The following FOXK1 variants were observed in gnomAD, a reference collection of about 807,000 sequenced individuals.
FOXK1 encodes forkhead box K1, also known as forkhead box protein K1.
A neutral mutation model predicts 51.9 loss-of-function variants in FOXK1; 19 were observed. The observed-to-expected ratio is 0.37, with a 90% confidence interval of 0.26 to 0.54. FOXK1 has a LOEUF of 0.54. Ranked by LOEUF, FOXK1 falls within the 20% of genes least tolerant of loss-of-function variation. The pLI, the probability that FOXK1 is intolerant of heterozygous loss-of-function variation, is 0.87. For missense variants in FOXK1, 870 were observed against 1,032.7 expected (o/e 0.84, Z 2.16); for synonymous variants, 537 against 482.6 (o/e 1.11, Z -1.48).
In FOXK1 at chr7:4,682,951, C is replaced by T. The variant is rs1014590955; in HGVS notation, c.560+83C>T. The T allele has an allele frequency of 2.3e-6, 3 of 1,311,126 alleles. No individual in the cohort carries two copies. Among genetic ancestry groups the T allele is most frequent in the African/African-American group, 1.5e-5 (1 of 64,688 alleles). The allele number at this position is 1,311,126 out of a possible 1,614,324, so 81.2% of individuals were successfully genotyped here. On this transcript the variant is annotated intron_variant, in intron 1 of 8. Transcript: ENST00000328914. The surrounding 1 kb of genome is among the most constrained non-coding windows in gnomAD (Gnocchi z 7.6). Reference sequence around the variant, plus strand: ...TCTGAGGCCCGGGCCTGGGGATCCCCCTCCAGCTTCCTCGGCCTCGACCCC... The same window carrying T: ...TCTGAGGCCCGGGCCTGGGGATCCCTCTCCAGCTTCCTCGGCCTCGACCCC...
chr7:4,739,014 C>A (rs566384895), intron 1 of FOXK1, among the ~76,000 whole-genome samples: 3 of 152,198 alleles, frequency 2.0e-5, no homozygotes, highest in Non-Finnish European at 2.9e-5. Context: ...CTGACCTGCT[C>A]CTCAGTCCCG....
Position 4,729,521 on chromosome 7 carries a change from A to C in FOXK1, c.561-11317A>C, listed in dbSNP as rs1780423361. Among the ~76,000 whole-genome samples, 1 of 152,142 alleles carries C rather than the reference A, an allele frequency of 6.6e-6. No homozygotes were observed. The highest frequency in any genetic ancestry group is 1.5e-5 in the Non-Finnish European group (1 of 68,016). The stretch of plus-strand genomic sequence containing the variant: ...TCGCCTGTGCTGCCATGGGGTGCTC[A>C]GGACTGCCGGGCCCCGGGAGCCCCA... On this transcript the variant is annotated intron_variant, in intron 1 of 8. Coordinates refer to ENST00000328914, the MANE Select transcript of FOXK1 (RefSeq NM_001037165.2). The surrounding 1 kb of genome is among the most constrained non-coding windows in gnomAD (Gnocchi z 6.2).
At chr7:4,739,553 A>T (rs1237057313) in intron 1 of FOXK1, among the ~76,000 whole-genome samples, 1 of 152,204 alleles carries the variant, frequency 6.6e-6, no homozygotes, top group Non-Finnish European at 1.5e-5. Flanking sequence ...AAGCCAGATG[A>T]ACCCTGGATA....
At chr7:4,710,621 AT>A (rs1232084372) in intron 1 of FOXK1, among the ~76,000 whole-genome samples, 1 of 152,146 alleles carries the variant, frequency 6.6e-6, no homozygotes, top group African/African-American at 2.4e-5. Flanking sequence ...ATAGCTGTGT[AT>A]TTTGGAGAAA....
intron 1 of FOXK1, among the ~76,000 whole-genome samples, chr7:4,721,176 C>T (rs932191900): frequency 7.2e-5 from 11 of 152,154 alleles, no homozygotes; most frequent in African/African-American, 1.7e-4. Flanking sequence ...GGAGGTTCTC[C>T]GTTCAGTCTG....
rs1369592251 is a variant in FOXK1, at chr7:4,683,206, A to T, written c.560+338A>T. Among the ~76,000 whole-genome samples, 3 of 148,442 alleles carry T rather than the reference A, an allele frequency of 2.0e-5. No individual in the cohort carries two copies. The highest frequency in any genetic ancestry group is 4.5e-5 in the Non-Finnish European group (3 of 66,928). ...CTTGCGGCTCCTGGGGTCACCCCTG[A>T]CCTCATCTCCCACCGGCCTGGGCTC... On this transcript the variant is annotated intron_variant, in intron 1 of 8. Coordinates refer to ENST00000328914, the MANE Select transcript of FOXK1 (RefSeq NM_001037165.2). The surrounding 1 kb of genome is among the most constrained non-coding windows in gnomAD (Gnocchi z 4.5).
intron 1 of FOXK1, among the ~76,000 whole-genome samples, chr7:4,697,639 C>T (rs974281616): frequency 2.0e-5 from 3 of 152,010 alleles, no homozygotes; most frequent in Non-Finnish European, 4.4e-5. Flanking sequence ...AATTTCTCTC[C>T]ACATTTCTTG....
At chr7:4,740,302 C>A (rs1208204692) in intron 1 of FOXK1, among the ~76,000 whole-genome samples, 5 of 152,028 alleles carry the variant, frequency 3.3e-5, no homozygotes. Context: ...TGGTGGCGGG[C>A]GCCTGTAGTC....
At position 4,706,013 on chromosome 7, in the gene FOXK1, CGT is replaced by C. The variant is rs374082200; in HGVS notation, c.560+23146_560+23147del. ...ATATACGTATATATACGTATATATA[CGT>C]ATATATACGTGTATATACGTGTATA... On this transcript the variant is annotated intron_variant, in intron 1 of 8. Coordinates refer to ENST00000328914, the MANE Select transcript of FOXK1 (RefSeq NM_001037165.2). Among the ~76,000 whole-genome samples, 337 of 91,442 alleles carry C rather than the reference CGT, an allele frequency of 3.7e-3. 30 individuals are homozygous for C. The highest frequency in any genetic ancestry group is 0.034 in the African/African-American group (321 of 9,576). The allele number at this position is 91,442 out of a possible 152,430, so 60.0% of individuals were successfully genotyped here.
Position 4,733,898 on chromosome 7 carries a change from T to C in FOXK1, c.561-6940T>C, listed in dbSNP as rs1217460561. ...GGCCGTCATAGCCAGCGCCATGGGA[T>C]TGGGGAAGCCACAGGGACCTCCCAG... On this transcript the variant is annotated intron_variant, in intron 1 of 8. Coordinates refer to ENST00000328914, the MANE Select transcript of FOXK1 (RefSeq NM_001037165.2). The surrounding 1 kb of genome is among the most constrained non-coding windows in gnomAD (Gnocchi z 5.0). Among the ~76,000 whole-genome samples the C allele has an allele frequency of 6.6e-6, 1 of 152,152 alleles. No individual in the cohort carries two copies.
Position 4,759,451 on chromosome 7 carries a change from C to A in FOXK1, c.1552C>A (p.Gln518Lys). 1 of 1,592,582 alleles carries A rather than the reference C, an allele frequency of 6.3e-7. No homozygotes were observed. The highest frequency in any genetic ancestry group is 8.5e-7 in the Non-Finnish European group (1 of 1,174,224). The change falls in exon 7 of 9, where the codon CAG (glutamine) becomes AAG (lysine). Residue 518 changes from glutamine to lysine, a missense_variant. Gln to Lys is a moderately conservative substitution (Grantham distance 53). Coordinates refer to ENST00000328914, the MANE Select transcript of FOXK1 (RefSeq NM_001037165.2). ...PAGHAIHVVQ[Q>K]APTVTMVRVV... ...GGGCCACGCCATCCACGTCGTGCAG[C>A]AGGCCCCCACCGTCACCATGGTCAG...
chr7:4,705,996 A>ATG (rs1780091634), intron 1 of FOXK1, among the ~76,000 whole-genome samples: 2 of 96,398 alleles, frequency 2.1e-5, no homozygotes, highest in African/African-American at 9.5e-5. Context: ...ATATATACGT[A>ATG]TATATACGTA....
At chr7:4,720,806 C>A (rs1029341654) in intron 1 of FOXK1, among the ~76,000 whole-genome samples, 4 of 151,648 alleles carry the variant, frequency 2.6e-5, no homozygotes, top group African/African-American at 9.7e-5. Context: ...GCAACCTCTA[C>A]CTCCTGGGTT....
rs111622709 is a variant in FOXK1 at position 4,745,472 on chromosome 7, TTG to T, written c.746+4465_746+4466del. Among the ~76,000 whole-genome samples the T allele has an allele frequency of 4.0e-5, 6 of 150,446 alleles. No homozygotes were observed. Among genetic ancestry groups the T allele is most frequent in the Admixed American group, 6.6e-5 (1 of 15,114 alleles). ...TGGGTATGGGTGTGGGTGTGTGGTT[TTG>T]TGTGTGTGTGTGTGTTTCTGATTTA... On this transcript the variant is annotated intron_variant, in intron 2 of 8. Coordinates refer to ENST00000328914, the MANE Select transcript of FOXK1 (RefSeq NM_001037165.2). The surrounding 1 kb of genome is among the most constrained non-coding windows in gnomAD (Gnocchi z 4.3).
rs1325917341 is a variant in FOXK1, at chr7:4,768,844, C to T, written c.*6380C>T. The T allele has an allele frequency of 1.3e-5, 2 of 152,262 alleles. No individual in the cohort carries two copies. Among genetic ancestry groups the T allele is most frequent in the East Asian group, 1.9e-4 (1 of 5,192 alleles). 9.4% of individuals were successfully genotyped at this position (152,262 alleles called of 1,614,324 possible). ...CTGTGCCAGCTGCTGGGAGGTCAGA[C>T]TCCTGCCCTGAGAAACAGCCCAGTC... On this transcript the variant is annotated 3_prime_UTR_variant, in exon 9 of 9. Transcript: ENST00000328914.
In FOXK1 at chr7:4,762,234, C is replaced by G; in HGVS notation, c.1972C>G (p.Pro658Ala). Residue 658 changes from proline (P) to alanine (A), a missense_variant, in exon 9 of 9, where the codon CCG becomes GCG. Coordinates refer to ENST00000328914, the MANE Select transcript of FOXK1 (RefSeq NM_001037165.2). This position sits in a 1 kb window ranked among gnomAD's most constrained non-coding sequence, Gnocchi z 5.7. ...TGCGACCCAAGCGAGTTCATCCGCGCCGGTGGTGGTCACCCGGGTGTGCGA... is the reference window on the plus strand; with the variant it reads ...TGCGACCCAAGCGAGTTCATCCGCGGCGGTGGTGGTCACCCGGGTGTGCGA... ...LLATQASSSA[P>A]VVVTRVCEVG... is the part of the protein sequence containing the mutation. 6.4e-7 allele frequency: 1 copy of G among 1,554,368 alleles called. No individual in the cohort carries two copies.
chr7:4,726,906 A>AC (rs1345462742), intron 1 of FOXK1, among the ~76,000 whole-genome samples: 3 of 152,238 alleles, frequency 2.0e-5, no homozygotes, highest in Non-Finnish European at 4.4e-5. Flanking sequence ...AGTACCTGGT[A>AC]TATATAATAA....
chr7:4,762,418 G>T lies in FOXK1; in HGVS notation c.2156G>T (p.Gly719Val). Residue 719 changes from glycine (G) to valine (V), a missense_variant, in exon 9 of 9, where the codon GGA (glycine) becomes GTA (valine). Gly to Val is a moderately radical substitution (Grantham distance 109). Transcript: ENST00000328914. This position sits in a 1 kb window ranked among gnomAD's most constrained non-coding sequence, Gnocchi z 5.7. ...AGTGGTGCTGTAACCACACCGGCTGGAGTGATCGCAGCTGCCGGCCCCCAG... is the reference window on the plus strand; with the variant it reads ...AGTGGTGCTGTAACCACACCGGCTGTAGTGATCGCAGCTGCCGGCCCCCAG... ...EPSGAVTTPAGVIAAAGPQGP... is the reference protein window; with the variant it reads ...EPSGAVTTPAVVIAAAGPQGP... The T allele has an allele frequency of 6.5e-7, 1 of 1,549,236 alleles. No individual in the cohort carries two copies. Among genetic ancestry groups the T allele is most frequent in the Non-Finnish European group, 8.7e-7 (1 of 1,146,992 alleles).
In FOXK1 at chr7:4,723,106, G is replaced by A. The variant is rs1388922573; in HGVS notation, c.561-17732G>A. On this transcript the variant is annotated intron_variant, in intron 1 of 8. Transcript: ENST00000328914. The surrounding 1 kb of genome is among the most constrained non-coding windows in gnomAD (Gnocchi z 4.7). ...CAAGCCTGTTGACGATGATGGTAACGGCACCGTGCTCACTCCAACGCCGTG... is the reference window on the plus strand; with the variant it reads ...CAAGCCTGTTGACGATGATGGTAACAGCACCGTGCTCACTCCAACGCCGTG... Among the ~76,000 whole-genome samples, 2 of 151,830 alleles carry A rather than the reference G, an allele frequency of 1.3e-5. No individual in the cohort carries two copies. The highest frequency in any genetic ancestry group is 2.4e-5 in the African/African-American group (1 of 41,312).
Sources: allele counts gnomAD v4.1 joint callset (sites outside exome capture counted in the v4.1 genomes callset), GRCh38; gene constraint gnomAD v4.1.1; non-coding constraint Gnocchi (gnomAD v3.1); transcripts MANE v1.5; gene names NCBI Gene and HGNC (gene_info 2026-07-23, HGNC 2026-07-21).